Variants in FECH observed in about 807,000 individuals in gnomAD.
FECH encodes ferrochelatase.
In FECH, 40 loss-of-function variants were observed where a neutral mutation model predicts 56.9. The ratio of observed to expected loss-of-function variants is 0.70; its 90% CI spans 0.55 to 0.92. The LOEUF (loss-of-function observed/expected upper bound fraction) is 0.92, where lower values mean the gene tolerates loss of function less well. Among genes scored for constraint, FECH ranks in the 40% least tolerant of loss-of-function variants. The pLI is 0.00. For missense variants in FECH, 431 were observed against 529.1 expected, an observed-to-expected ratio of 0.81 and a Z score of 1.82; for synonymous variants, 175 against 198.6, an observed-to-expected ratio of 0.88 and a Z score of 1.00.
At chr18:57,558,410 A>G (rs1025214481) in intron 7 of FECH, among the ~76,000 whole-genome samples, 21 of 152,180 alleles carry the variant, frequency 1.4e-4, no homozygotes, top group Admixed American at 3.9e-4. Context: ...TTCACTTGCA[A>G]AAATGTGGTC....
In FECH at chr18:57,545,263, T is replaced by G. The variant is rs568227590; in HGVS notation, c.*5449A>C. 6.6e-6 allele frequency among the ~76,000 whole-genome samples: 1 copy of G among 152,322 alleles called. No individual in the cohort carries two copies. The highest frequency in any genetic ancestry group is 1.9e-4 in the East Asian group (1 of 5,190). ...CAAAGCAGGCTTTTTTCCAAAAATGTTTTTAATTCCAACATCCATCTTAAT... is the reference window on the plus strand; with the variant it reads ...CAAAGCAGGCTTTTTTCCAAAAATGGTTTTAATTCCAACATCCATCTTAAT... On this transcript the variant is annotated 3_prime_UTR_variant, in exon 11 of 11. Coordinates refer to ENST00000262093, the MANE Select transcript of FECH (RefSeq NM_000140.5).
intron 6 of FECH, 138 bp from the exon 7 acceptor site, chr18:57,559,381 A>C (rs2050911720): frequency 1.5e-6 from 1 of 654,746 alleles, no homozygotes. Flanking sequence ...TTTTTAAAAA[A>C]TTGCAAACAG....
At chr18:57,552,070 G>A (rs2050807736) in intron 9 of FECH, among the ~76,000 whole-genome samples, 1 of 151,804 alleles carries the variant, frequency 6.6e-6, no homozygotes, top group South Asian at 2.1e-4. Context: ...TTTTGGTAGT[G>A]GCAAGGTTTC....
chr18:57,579,949 G>T, intron 2 of FECH, 124 bp downstream of exon 2: 1 of 1,321,150 alleles, frequency 7.6e-7, no homozygotes, highest in Non-Finnish European at 1.1e-6. Flanking sequence ...TTGAAAGGAA[G>T]CCAAGAAAAT....
At chr18:57,575,820 A>C (rs2051177774) in intron 2 of FECH, among the ~76,000 whole-genome samples, 1 of 152,196 alleles carries the variant, frequency 6.6e-6, no homozygotes, top group Non-Finnish European at 1.5e-5. Context: ...ACAGGTAGAA[A>C]CTGTTTTCTT....
intron 1 of FECH, among the ~76,000 whole-genome samples, chr18:57,582,588 C>T (rs1474647540): frequency 1.3e-5 from 2 of 151,184 alleles, no homozygotes; most frequent in Admixed American, 6.6e-5. Flanking sequence ...CATAGCAAGA[C>T]CCTCGTTTCT....
intron 2 of FECH, among the ~76,000 whole-genome samples, chr18:57,578,607 G>A (rs977752410): frequency 1.3e-5 from 2 of 152,030 alleles, no homozygotes; most frequent in African/African-American, 4.8e-5. Context: ...TTAAGCCCAG[G>A]AGTTCAAGGA....
Position 57,580,168 on chromosome 18 carries a change from T to C in FECH, c.99A>G (p.Pro33=). The C allele has an allele frequency of 3.1e-6, 5 of 1,614,208 alleles. No homozygotes were observed. Among genetic ancestry groups the C allele is most frequent in the Non-Finnish European group, 4.2e-6 (5 of 1,180,020 alleles). ...LASSSWRVCQ[P]WRWKSGAAAA... is the part of the protein sequence containing the mutation. ...CAGCTGCACCTGACTTCCACCTCCATGGCTGACAGACCCTCCAGCTGCTGG... is the reference window on the plus strand; with the variant it reads ...CAGCTGCACCTGACTTCCACCTCCACGGCTGACAGACCCTCCAGCTGCTGG... Residue 33 remains proline, a synonymous_variant, in exon 2 of 11, where the codon CCA becomes CCG. Transcript: ENST00000262093.
At chr18:57,573,891 G>T (rs968435458) in intron 2 of FECH, among the ~76,000 whole-genome samples, 4 of 152,154 alleles carry the variant, frequency 2.6e-5, no homozygotes, top group Admixed American at 1.3e-4. Flanking sequence ...CACAGAGCAG[G>T]GTTCCCCCAA....
chr18:57,573,155 A>G, intron 3 of FECH, 91 bp downstream of exon 3: 1 of 1,289,170 alleles, frequency 7.8e-7, no homozygotes, highest in Non-Finnish European at 1.1e-6. Context: ...GATACGCATT[A>G]AAACTATTTA....
At chr18:57,552,122 G>T (rs1353800725) in intron 9 of FECH, among the ~76,000 whole-genome samples, 1 of 151,820 alleles carries the variant, frequency 6.6e-6, no homozygotes, top group East Asian at 1.9e-4. Context: ...GACCTCAAAC[G>T]ATCCACCCGC....
chr18:57,586,668 G>GC lies in FECH; in HGVS notation c.-49dup. The GC allele has an allele frequency of 6.8e-7, 1 of 1,472,794 alleles. No homozygotes were observed. Among genetic ancestry groups the GC allele is most frequent in the African/African-American group, 1.5e-5 (1 of 68,138 alleles). 91.2% of individuals were successfully genotyped at this position (1,472,794 alleles called of 1,614,324 possible). ...GTCCGGGCTCCTCCCGCGGCGGCGC[G>GC]CCCAGGTGTCCGCCCAGCAGTGGCC... On this transcript the variant is annotated 5_prime_UTR_variant, in exon 1 of 11. Transcript: ENST00000262093.
intron 1 of FECH, among the ~76,000 whole-genome samples, chr18:57,586,170 T>G (rs147406752): frequency 7.9e-4 from 121 of 152,344 alleles, no homozygotes; most frequent in South Asian, 1.7e-3. Flanking sequence ...ATGGTGGTGA[T>G]GATGAAGATG....
At chr18:57,563,093 A>C (rs143122979) in intron 5 of FECH, 113 bp from the exon 6 acceptor site, 5 of 781,372 alleles carry the variant, frequency 6.4e-6, no homozygotes, top group Non-Finnish European at 1.1e-5. Context: ...TTCTTTACTG[A>C]ATCAGTCTAA....
chr18:57,576,899 G>A (rs762254306), intron 2 of FECH, among the ~76,000 whole-genome samples: 7 of 152,220 alleles, frequency 4.6e-5, no homozygotes. Context: ...TGAGACCAAG[G>A]TCTGAACGTT....
intron 2 of FECH, among the ~76,000 whole-genome samples, chr18:57,574,866 T>A (rs2051161905): frequency 6.6e-6 from 1 of 152,200 alleles, no homozygotes; most frequent in Non-Finnish European, 1.5e-5. Flanking sequence ...AAATTCACCA[T>A]AATCTGAACA....
chr18:57,584,422 A>T (rs2051335207), intron 1 of FECH, among the ~76,000 whole-genome samples: 1 of 152,086 alleles, frequency 6.6e-6, no homozygotes, highest in South Asian at 2.1e-4. Flanking sequence ...TGACTTAAGA[A>T]GTTCCTAAGT....
intron 5 of FECH, 80 bp from the exon 6 acceptor site, chr18:57,563,060 A>G (rs2050966843): frequency 7.0e-6 from 8 of 1,149,862 alleles, no homozygotes; most frequent in Middle Eastern, 1.9e-4. Context: ...GGTAGTATAT[A>G]TAAGTTCAAA....
chr18:57,564,739 C>G (rs2050994616), intron 5 of FECH, among the ~76,000 whole-genome samples: 1 of 152,230 alleles, frequency 6.6e-6, no homozygotes, highest in East Asian at 1.9e-4. Flanking sequence ...CGACCATATT[C>G]ACGTTACAGA....
Sources: gnomAD v4.1 joint callset for allele counts (sites outside exome capture counted in the v4.1 genomes callset) on GRCh38, gnomAD v4.1.1 for gene constraint, MANE v1.5 for transcripts, NCBI Gene and HGNC (gene_info 2026-07-23, HGNC 2026-07-21) for gene names.